The following POC1A variants were observed in gnomAD, a reference collection of about 807,000 sequenced individuals.
POC1A encodes POC1 centriolar protein homolog A.
Under a neutral mutation model 47.8 loss-of-function variants are expected in POC1A, and 34 were observed. That is an observed-to-expected ratio of 0.71 (90% CI 0.54 to 0.95). POC1A has a LOEUF of 0.95. POC1A is among the 40% of genes least tolerant of loss of function. The pLI, the probability that POC1A is intolerant of heterozygous loss-of-function variation, is 0.00. For missense variants in POC1A, 466 were observed against 528.3 expected (o/e 0.88, Z 1.16); for synonymous variants, 177 against 207.6 (o/e 0.85, Z 1.27).
intron 7 of POC1A, among the ~76,000 whole-genome samples, chr3:52,125,880 A>G (rs1703978317): frequency 1.3e-5 from 2 of 152,186 alleles, no homozygotes; most frequent in African/African-American, 2.4e-5. Context: ...GCCGCACTCC[A>G]AGGGCTGGAG....
At position 52,138,160 on chromosome 3, in the gene POC1A, A is replaced by G; in HGVS notation, c.813+9T>C. 6 of 1,613,860 alleles carry G rather than the reference A, an allele frequency of 3.7e-6. No homozygotes were observed. The highest frequency in any genetic ancestry group is 1.1e-5 in the South Asian group (1 of 91,074). On this transcript the variant is annotated intron_variant, in intron 7 of 10. Coordinates refer to ENST00000296484, the MANE Select transcript of POC1A (RefSeq NM_015426.5). ...CCACACCACTCAGCACCTGGCCGAC[A>G]CCTCTCACCTGATGCCCGTGGAGTG...
At chr3:52,076,114 G>T in intron 10 of POC1A, 129 bp from the exon 11 acceptor site, 1 of 686,814 alleles carries the variant, frequency 1.5e-6, no homozygotes, top group African/African-American at 1.8e-5. Flanking sequence ...TTCCACCCAG[G>T]GGTTCTGCCA....
chr3:52,151,904 A>T (rs535165972), intron 1 of POC1A, among the ~76,000 whole-genome samples: 1 of 152,166 alleles, frequency 6.6e-6, no homozygotes, highest in South Asian at 2.1e-4. Flanking sequence ...AAAAAAAAAA[A>T]TCTTTAAAAA....
chr3:52,081,446 C>T (rs1702277873), intron 10 of POC1A, among the ~76,000 whole-genome samples: 1 of 152,206 alleles, frequency 6.6e-6, no homozygotes, highest in Admixed American at 6.5e-5. Context: ...GGGTGCACCA[C>T]AGTTCAACGA....
intron 7 of POC1A, among the ~76,000 whole-genome samples, chr3:52,135,707 C>T (rs915298821): frequency 2.6e-5 from 4 of 152,186 alleles, no homozygotes; most frequent in African/African-American, 9.6e-5. Context: ...TTCTCCTGGG[C>T]ATCCCTGCCC....
intron 10 of POC1A, among the ~76,000 whole-genome samples, chr3:52,078,631 C>T (rs1190924268): frequency 1.3e-5 from 2 of 151,470 alleles, no homozygotes; most frequent in African/African-American, 4.9e-5. Flanking sequence ...CTGCCTCAGC[C>T]TCCCGAGTAG....
chr3:52,103,251 G>A (rs914554052), intron 9 of POC1A, among the ~76,000 whole-genome samples: 3 of 152,242 alleles, frequency 2.0e-5, no homozygotes, highest in African/African-American at 7.2e-5. Context: ...GTAAGGCCGG[G>A]TATAATGGCT....
At chr3:52,129,574 G>T (rs1704135278) in intron 7 of POC1A, among the ~76,000 whole-genome samples, 1 of 152,160 alleles carries the variant, frequency 6.6e-6, no homozygotes, top group Non-Finnish European at 1.5e-5. Context: ...GTGGATGCCG[G>T]CCTGCCCCCA....
chr3:52,086,490 G>C (rs934268700), intron 10 of POC1A, among the ~76,000 whole-genome samples: 4 of 152,190 alleles, frequency 2.6e-5, no homozygotes, highest in Admixed American at 2.6e-4. Flanking sequence ...ACAAAGCAGG[G>C]CTGCCGGGCC....
Position 52,096,693 on chromosome 3 carries a change from A to G in POC1A, c.1001T>C (p.Val334Ala). The G allele has an allele frequency of 6.3e-7, 1 of 1,594,592 alleles. No individual in the cohort carries two copies. Among genetic ancestry groups the G allele is most frequent in the African/African-American group, 1.4e-5 (1 of 73,512 alleles). ...MGNLPEVDFP[V>A]PPGRGRSVES... ...CACACTCCTGCCTCTGCCTGGGGGG[A>G]CAGGGAAGTCCACTTCTGGCTAAAG... Residue 334 changes from valine (V) to alanine (A), a missense_variant, in exon 10 of 11, where the codon GTC becomes GCC. By Grantham distance (64) the Val-to-Ala change is moderately conservative. Coordinates refer to ENST00000296484, the MANE Select transcript of POC1A (RefSeq NM_015426.5).
intron 7 of POC1A, among the ~76,000 whole-genome samples, chr3:52,125,943 G>A (rs1703981474): frequency 6.6e-6 from 1 of 152,192 alleles, no homozygotes; most frequent in Non-Finnish European, 1.5e-5. Flanking sequence ...GCAAAGGAGG[G>A]TTCTTCCCCA....
chr3:52,129,843 C>A (rs1040993019), intron 7 of POC1A, among the ~76,000 whole-genome samples: 6 of 152,266 alleles, frequency 3.9e-5, no homozygotes, highest in Non-Finnish European at 8.8e-5. Flanking sequence ...TTTTACCACA[C>A]ATCATCTTCT....
chr3:52,145,937 G>A lies in POC1A; in HGVS notation c.588C>T (p.His196=). 3 of 1,613,352 alleles carry A rather than the reference G, an allele frequency of 1.9e-6. No individual in the cohort carries two copies. The highest frequency in any genetic ancestry group is 2.5e-6 in the Non-Finnish European group (3 of 1,179,378). ...HGGFVTYVDF[H]PSGTCIAAAG... The stretch of plus-strand genomic sequence containing the variant: ...CAGCGGCAATGCACGTCCCACTGGG[G>A]TGGAAGTCCACATAGGTGACAAAGC... The change falls in exon 6 of 11, where the codon CAC becomes CAT. Residue 196 remains histidine, a synonymous_variant. Coordinates refer to ENST00000296484, the MANE Select transcript of POC1A (RefSeq NM_015426.5).
chr3:52,076,035 G>A lies in POC1A; in HGVS notation c.1126-50C>T, dbSNP rs747865433. 2.8e-5 allele frequency: 40 copies of A among 1,438,732 alleles called. No individual in the cohort carries two copies. The Middle Eastern group carries it at 2.1e-3, about 75-fold the overall frequency. 89.1% of individuals were successfully genotyped at this position (1,438,732 alleles called of 1,614,324 possible). On this transcript the variant is annotated intron_variant, in intron 10 of 10. Coordinates refer to ENST00000296484, the MANE Select transcript of POC1A (RefSeq NM_015426.5). ...CAGAACACAGAAGGGCCGCCAGGCT[G>A]CTCTAGGGACCCCCTTGGCCAGTCC...
intron 10 of POC1A, among the ~76,000 whole-genome samples, chr3:52,093,279 G>A (rs1702703604): frequency 6.6e-6 from 1 of 152,192 alleles, no homozygotes; most frequent in Admixed American, 6.5e-5. Context: ...CTGAAGGTGG[G>A]ACTGGGTCTC....
rs1174185196 is a variant in POC1A at position 52,079,453 on chromosome 3, C to T, written c.1126-3468G>A. Among the ~76,000 whole-genome samples the T allele has an allele frequency of 6.6e-6, 1 of 152,216 alleles. No homozygotes were observed. The highest frequency in any genetic ancestry group is 1.5e-5 in the Non-Finnish European group (1 of 68,036). On this transcript the variant is annotated intron_variant, in intron 10 of 10. Coordinates refer to ENST00000296484, the MANE Select transcript of POC1A (RefSeq NM_015426.5). This position sits in a 1 kb window ranked among gnomAD's most constrained non-coding sequence, Gnocchi z 4.6. ...CAGGCAAATACCTCTGCGGCCTCCCCGGGTCCACACTCCATGGCCTGGAAG... is the reference window on the plus strand; with the variant it reads ...CAGGCAAATACCTCTGCGGCCTCCCTGGGTCCACACTCCATGGCCTGGAAG...
intron 7 of POC1A, among the ~76,000 whole-genome samples, chr3:52,127,031 G>A (rs1009834189): frequency 2.0e-5 from 3 of 152,196 alleles, no homozygotes; most frequent in Non-Finnish European, 2.9e-5. Flanking sequence ...CAAAGCCTCT[G>A]GCCTACACTT....
At chr3:52,132,652 G>A (rs1704262924) in intron 7 of POC1A, among the ~76,000 whole-genome samples, 1 of 152,172 alleles carries the variant, frequency 6.6e-6, no homozygotes, top group South Asian at 2.1e-4. Flanking sequence ...GACTGCAGGA[G>A]AGAAGCACCA....
intron 9 of POC1A, among the ~76,000 whole-genome samples, chr3:52,108,868 C>T (rs894212612): frequency 2.6e-5 from 4 of 152,216 alleles, no homozygotes; most frequent in Admixed American, 1.3e-4. Flanking sequence ...CTTCCCTCCC[C>T]CTGCAGGCTT....
Sources: allele counts gnomAD v4.1 joint callset (sites outside exome capture counted in the v4.1 genomes callset), GRCh38; gene constraint gnomAD v4.1.1; non-coding constraint Gnocchi (gnomAD v3.1); transcripts MANE v1.5; gene names NCBI Gene and HGNC (gene_info 2026-07-23, HGNC 2026-07-21).